AFF2: variants seen among roughly 807,000 people sequenced by gnomAD.
AFF2 encodes ALF transcription elongation factor 2.
AFF2 carries 14 observed loss-of-function variants against 76.9 expected under a neutral mutation model. The observed-to-expected ratio is 0.18, with a 90% CI of 0.12 to 0.28. AFF2 has a LOEUF of 0.28. Among genes scored for constraint, AFF2 ranks in the 10% least tolerant of loss-of-function variants. The probability of loss-of-function intolerance (pLI) is 1.00; values close to 1 mark genes in which losing one functional copy is unlikely to be tolerated. For missense variants in AFF2, 868 were observed against 1,001.1 expected, an observed-to-expected ratio of 0.87 and a Z score of 1.79; for synonymous variants, 398 against 366.7, an observed-to-expected ratio of 1.09 and a Z score of -0.98.
intron 3 of AFF2, chrX:148,719,381 T>C: frequency 2.5e-6 from 1 of 402,266 alleles, no homozygotes; most frequent in Non-Finnish European, 4.2e-6. Context: ...ATACAGTTCC[T>C]TAGAGGTAAA....
intron 3 of AFF2, among the ~76,000 whole-genome samples, chrX:148,668,977 G>A (rs2054390781): frequency 8.9e-6 from 1 of 111,993 alleles, no homozygotes; most frequent in South Asian, 3.7e-4. Flanking sequence ...TTTTGAAATG[G>A]AATGCCTTTA....
intron 3 of AFF2, among the ~76,000 whole-genome samples, chrX:148,696,909 C>T (rs1403785311): frequency 2.7e-5 from 3 of 112,010 alleles, no homozygotes; most frequent in African/African-American, 9.7e-5. Context: ...CTTCTGCTCC[C>T]AAAAGTTGAA....
At chrX:148,752,049 G>A (rs889089222) in intron 3 of AFF2, among the ~76,000 whole-genome samples, 4 of 110,882 alleles carry the variant, frequency 3.6e-5, no homozygotes, top group Admixed American at 2.9e-4. Context: ...CTCTTTTATC[G>A]GGGTACCAAT....
rs781949817 is a variant in AFF2 at position 148,731,479 on chromosome X, G to GAACTTTA, written c.1041+68711_1041+68712insAACTTTA. Among the ~76,000 whole-genome samples the GAACTTTA allele has an allele frequency of 1.5e-3, 173 of 111,679 alleles. 1 individual carries two copies. Among genetic ancestry groups the GAACTTTA allele is most frequent in the African/African-American group, 5.5e-3 (168 of 30,735 alleles). On this transcript the variant is annotated intron_variant, in intron 3 of 20. Transcript: ENST00000370460. ...AATAACAGAAGAAAGGAAGCATTTCGGACAAAGCACTTACTTTAGAACAAG... is the reference window on the plus strand; with the variant it reads ...AATAACAGAAGAAAGGAAGCATTTCGAACTTTAGACAAAGCACTTACTTTAGAACAAG...
chrX:148,995,112 T>C lies in AFF2; in HGVS notation c.*3780T>C, dbSNP rs1159908638. The C allele has an allele frequency of 3.6e-5, 4 of 112,178 alleles. No homozygotes were observed. Among genetic ancestry groups the C allele is most frequent in the African/African-American group, 1.3e-4 (4 of 30,782 alleles). The allele number at this position is 112,178 out of a possible 1,213,427, so 9.2% of individuals were successfully genotyped here. A position where few individuals can be genotyped will look rare whatever the true frequency, so the allele number is the denominator to read the frequency against. On this transcript the variant is annotated 3_prime_UTR_variant, in exon 21 of 21. Transcript: ENST00000370460. ...AGCCAGTTGTCAGTGTTCTGTTACATGACTGGCAGACTAAATTCTTCATCG... is the reference window on the plus strand; with the variant it reads ...AGCCAGTTGTCAGTGTTCTGTTACACGACTGGCAGACTAAATTCTTCATCG...
chrX:148,864,016 A>G (rs1295762894), intron 7 of AFF2, among the ~76,000 whole-genome samples: 3 of 111,523 alleles, frequency 2.7e-5, no homozygotes, highest in Admixed American at 9.5e-5. Context: ...TCAATTAACC[A>G]GTATCAAACT....
At chrX:148,554,503 AGTTAGATCGG>A (rs1366084278) in intron 1 of AFF2, among the ~76,000 whole-genome samples, 2 of 112,059 alleles carry the variant, frequency 1.8e-5, no homozygotes, top group Non-Finnish European at 3.8e-5. Flanking sequence ...AAACTGAAGG[AGTTAGATCGG>A]GTCCCCCATC....
chrX:148,777,821 T>C (rs2069687608), intron 3 of AFF2, among the ~76,000 whole-genome samples: 1 of 112,250 alleles, frequency 8.9e-6, no homozygotes, highest in African/African-American at 3.2e-5. Flanking sequence ...ACTTCCTCTC[T>C]TCCTATTTGG....
At chrX:148,901,592 C>A (rs1260135804) in intron 8 of AFF2, among the ~76,000 whole-genome samples, 2 of 112,033 alleles carry the variant, frequency 1.8e-5, no homozygotes, top group African/African-American at 6.5e-5. Flanking sequence ...CACATTCTGG[C>A]AAGTGTATCT....
intron 3 of AFF2, among the ~76,000 whole-genome samples, chrX:148,751,931 G>A (rs2124576496): frequency 8.9e-6 from 1 of 112,128 alleles, no homozygotes; most frequent in African/African-American, 3.2e-5. Flanking sequence ...CCAGATCACA[G>A]TGCCAGCAGA....
intron 3 of AFF2, among the ~76,000 whole-genome samples, chrX:148,720,656 T>C (rs782756751): frequency 1.0e-3 from 108 of 108,110 alleles, no homozygotes; most frequent in Middle Eastern, 5.5e-3. Context: ...GAAGCATATT[T>C]GTTAGTAATA....
intron 3 of AFF2, among the ~76,000 whole-genome samples, chrX:148,788,245 T>C (rs1471316309): frequency 8.9e-6 from 1 of 112,267 alleles, no homozygotes; most frequent in East Asian, 2.8e-4. Context: ...ATCCACTGGC[T>C]GCAATTGGTT....
At chrX:148,817,655 A>G (rs2070282367) in intron 4 of AFF2, among the ~76,000 whole-genome samples, 1 of 112,290 alleles carries the variant, frequency 8.9e-6, no homozygotes, top group South Asian at 3.6e-4. Context: ...AAATCTGACA[A>G]AAATAGAACA....
chrX:148,707,316 C>G (rs2054897417), intron 3 of AFF2, among the ~76,000 whole-genome samples: 1 of 110,827 alleles, frequency 9.0e-6, no homozygotes, highest in Admixed American at 9.7e-5. Context: ...TCAGTTTTAT[C>G]TATTCGTTGT....
In AFF2 at chrX:148,992,086, G is replaced by A. The variant is rs139176217; in HGVS notation, c.*754G>A. 7 of 111,936 alleles carry A rather than the reference G, an allele frequency of 6.3e-5. No homozygotes were observed. The East Asian group carries it at 2.0e-3, about 31-fold the overall frequency. 9.2% of individuals were successfully genotyped at this position (111,936 alleles called of 1,213,427 possible). A position where few individuals can be genotyped will look rare whatever the true frequency, so the allele number is the denominator to read the frequency against. ...GTTTTTCAACTCCATTATTTGAAGT[G>A]TAAATCCTCACCTGGGGTTCTCTGT... On this transcript the variant is annotated 3_prime_UTR_variant, in exon 21 of 21. Coordinates refer to ENST00000370460, the MANE Select transcript of AFF2 (RefSeq NM_002025.4).
At chrX:148,846,891 T>G (rs1487842278) in intron 7 of AFF2, among the ~76,000 whole-genome samples, 1 of 111,859 alleles carries the variant, frequency 8.9e-6, no homozygotes, top group Non-Finnish European at 1.9e-5. Context: ...GCTTTGTAGT[T>G]TCTCTTTCTT....
chrX:148,858,086 C>T (rs960324537), intron 7 of AFF2, among the ~76,000 whole-genome samples: 4 of 111,095 alleles, frequency 3.6e-5, no homozygotes, highest in Non-Finnish European at 5.7e-5. Context: ...ATTCCAATAA[C>T]GTAAATGGGA....
At chrX:148,614,741 T>C (rs1232010210) in intron 1 of AFF2, among the ~76,000 whole-genome samples, 645 of 27,187 alleles carry the variant, frequency 0.024, 5 homozygotes, top group Non-Finnish European at 0.03. Context: ...TTCCTTCTTT[T>C]CTTTCTTTCT....
At chrX:148,507,699 G>A (rs2052435163) in intron 1 of AFF2, among the ~76,000 whole-genome samples, 1 of 112,032 alleles carries the variant, frequency 8.9e-6, no homozygotes, top group Non-Finnish European at 1.9e-5. Flanking sequence ...AATTTTATAT[G>A]CATGTTCAAA....
Sources: allele counts gnomAD v4.1 joint callset (sites outside exome capture counted in the v4.1 genomes callset), GRCh38; gene constraint gnomAD v4.1.1; transcripts MANE v1.5; gene names NCBI Gene and HGNC (gene_info 2026-07-23, HGNC 2026-07-21).